The following ARSB variants were observed in gnomAD, a reference collection of about 807,000 sequenced individuals.
ARSB encodes the protein N-acetylgalactosamine-4-sulfatase.
A neutral mutation model predicts 50.9 loss-of-function variants in ARSB; 41 were observed. The ratio of observed to expected loss-of-function variants is 0.81; its 90% confidence interval spans 0.63 to 1.04. ARSB has a LOEUF of 1.04. ARSB is among the 50% of genes least tolerant of loss of function. The pLI is 0.00. For synonymous variants in ARSB, 269 were observed against 284.8 expected, an observed-to-expected ratio of 0.94 and a Z score of 0.56; for missense variants, 672 against 693.3, an observed-to-expected ratio of 0.97 and a Z score of 0.35.
chr5:78,853,259 A>G (rs1745938212), intron 5 of ARSB, among the ~76,000 whole-genome samples: 1 of 152,106 alleles, frequency 6.6e-6, no homozygotes, highest in South Asian at 2.1e-4. Context: ...TCTGTTTGTT[A>G]GTTTTCCTTC....
In ARSB at chr5:78,778,140, C is replaced by A. The variant is rs996667450; in HGVS notation, c.*2257G>T. The A allele has an allele frequency of 2.0e-5, 3 of 152,130 alleles. No individual in the cohort carries two copies. The highest frequency in any genetic ancestry group is 7.2e-5 in the African/African-American group (3 of 41,416). The allele number at this position is 152,130 out of a possible 1,614,324, so 9.4% of individuals were successfully genotyped here. A position where few individuals can be genotyped will look rare whatever the true frequency, so the allele number is the denominator to read the frequency against. On this transcript the variant is annotated 3_prime_UTR_variant, in exon 8 of 8. Coordinates refer to ENST00000264914, the MANE Select transcript of ARSB (RefSeq NM_000046.5). Reference sequence around the variant, plus strand: ...CAGATAGGTGCCCTGTAGCGATGGCCTCCAACGGCTACCTACACCCAGCCC... The same window carrying A: ...CAGATAGGTGCCCTGTAGCGATGGCATCCAACGGCTACCTACACCCAGCCC...
chr5:78,880,379 G>A (rs748588360), intron 5 of ARSB, among the ~76,000 whole-genome samples: 5 of 152,102 alleles, frequency 3.3e-5, no homozygotes, highest in Non-Finnish European at 7.4e-5. Context: ...ACTATTTTTC[G>A]ATTCAATCCC....
In ARSB at chr5:78,916,479, C is replaced by T. The variant is rs182686043; in HGVS notation, c.899-30652G>A. 1.6e-4 allele frequency among the ~76,000 whole-genome samples: 24 copies of T among 152,320 alleles called. 1 individual carries two copies. The East Asian group carries it at 4.2e-3, about 27-fold the overall frequency. On this transcript the variant is annotated intron_variant, in intron 4 of 7. Coordinates refer to ENST00000264914, the MANE Select transcript of ARSB (RefSeq NM_000046.5). ...AAAATGCACGTAGAACAAGAGGTCA[C>T]TGAGATGAGGACCCCTGGGAATCCT...
intron 5 of ARSB, among the ~76,000 whole-genome samples, chr5:78,850,321 T>C (rs1380208475): frequency 6.6e-6 from 1 of 152,234 alleles, no homozygotes; most frequent in Non-Finnish European, 1.5e-5. Context: ...GATAATCATG[T>C]GGTTTTTGTC....
intron 4 of ARSB, among the ~76,000 whole-genome samples, chr5:78,908,700 A>C (rs1561495230): frequency 6.6e-6 from 1 of 150,442 alleles, no homozygotes; most frequent in Non-Finnish European, 1.5e-5. Flanking sequence ...AGATGAAACA[A>C]CACTTCATTT....
intron 6 of ARSB, among the ~76,000 whole-genome samples, chr5:78,825,035 C>T (rs1482415211): frequency 3.3e-5 from 5 of 152,154 alleles, no homozygotes; most frequent in African/African-American, 7.2e-5. Flanking sequence ...AGTAGGCCTA[C>T]GGTCAGGAAT....
chr5:78,942,312 T>C (rs1750975185), intron 4 of ARSB, among the ~76,000 whole-genome samples: 1 of 152,242 alleles, frequency 6.6e-6, no homozygotes, highest in Non-Finnish European at 1.5e-5. Context: ...AGTTATTCCT[T>C]GCCTTCTGCT....
At chr5:78,890,834 T>C (rs1748258992) in intron 4 of ARSB, among the ~76,000 whole-genome samples, 1 of 152,212 alleles carries the variant, frequency 6.6e-6, no homozygotes, top group Non-Finnish European at 1.5e-5. Context: ...CATGCTAATT[T>C]TGCCTTTGCA....
rs556943300 is a variant in ARSB, at chr5:78,780,559, G to A, written c.1440C>T (p.Asp480=). 2.0e-5 allele frequency: 32 copies of A among 1,614,140 alleles called. No individual in the cohort carries two copies. The South Asian group carries it at 3.2e-4, about 16-fold the overall frequency. Reference sequence around the variant, plus strand: ...TGGACAGGTCATGTCTTTCTTCAGGGTCCCGATCAATATCAAAGAGCCAGA... The same window carrying A: ...TGGACAGGTCATGTCTTTCTTCAGGATCCCGATCAATATCAAAGAGCCAGA... ...KTLWLFDIDR[D]PEERHDLSRE... Residue 480 remains aspartate, a synonymous_variant, in exon 8 of 8, where the codon GAC becomes GAT. Transcript: ENST00000264914.
rs997503655 is a variant in ARSB, at chr5:78,777,600, C to T, written c.*2797G>A. The T allele has an allele frequency of 2.0e-5, 3 of 152,498 alleles. No individual in the cohort carries two copies. The highest frequency in any genetic ancestry group is 2.9e-5 in the Non-Finnish European group (2 of 68,012). 9.4% of individuals were successfully genotyped at this position (152,498 alleles called of 1,614,324 possible). On this transcript the variant is annotated 3_prime_UTR_variant, in exon 8 of 8. Coordinates refer to ENST00000264914, the MANE Select transcript of ARSB (RefSeq NM_000046.5). ...GGGCACAGTGGCTCACACCTGTAAT[C>T]CCAGTGCTTTGGGAAGCTGAAGTGG...
chr5:78,907,353 C>T (rs991936761), intron 4 of ARSB, among the ~76,000 whole-genome samples: 1 of 152,230 alleles, frequency 6.6e-6, no homozygotes, highest in Non-Finnish European at 1.5e-5. Context: ...CCCTCGCCTT[C>T]TCTCAACGTG....
At chr5:78,872,716 G>A (rs1747270780) in intron 5 of ARSB, among the ~76,000 whole-genome samples, 1 of 147,578 alleles carries the variant, frequency 6.8e-6, no homozygotes, top group Non-Finnish European at 1.5e-5. Context: ...CCTAATGCTA[G>A]ATGACGAGTT....
intron 5 of ARSB, among the ~76,000 whole-genome samples, chr5:78,869,254 C>T (rs1352589318): frequency 9.2e-6 from 1 of 109,114 alleles, no homozygotes; most frequent in Non-Finnish European, 2.0e-5. Context: ...GACAGATCAA[C>T]GAGACAGAAA....
intron 6 of ARSB, among the ~76,000 whole-genome samples, chr5:78,830,827 G>A (rs997302451): frequency 6.6e-6 from 1 of 152,178 alleles, no homozygotes; most frequent in African/African-American, 2.4e-5. Context: ...AATTTGACGA[G>A]CTGCTAAAGA....
At chr5:78,815,148 G>A (rs1185134889) in intron 6 of ARSB, among the ~76,000 whole-genome samples, 1 of 150,910 alleles carries the variant, frequency 6.6e-6, no homozygotes, top group Non-Finnish European at 1.5e-5. Context: ...GTTGACTGTA[G>A]TAAAGCATTA....
At chr5:78,832,246 G>GATA (rs1392078152) in intron 6 of ARSB, among the ~76,000 whole-genome samples, 5 of 152,172 alleles carry the variant, frequency 3.3e-5, no homozygotes, top group Non-Finnish European at 5.9e-5. Flanking sequence ...CAACAAGGGA[G>GATA]ATAAACAGGA....
intron 6 of ARSB, chr5:78,815,429 T>A (rs1743952690): frequency 1.5e-6 from 1 of 652,254 alleles, no homozygotes. Flanking sequence ...AAAGACAAAT[T>A]AGAACAAGAC....
In ARSB at chr5:78,964,835, C is replaced by T. The variant is rs10514114; in HGVS notation, c.500-229G>A. ...TCCTCATTCGCCTTTAGAATATAGG[C>T]GCTATCATGTAACACTAACAGTTTT... On this transcript the variant is annotated intron_variant, in intron 2 of 7. Transcript: ENST00000264914. 0.089 allele frequency among the ~76,000 whole-genome samples: 13,563 copies of T among 151,578 alleles called. 1,679 individuals are homozygous for T. The highest frequency in any genetic ancestry group is 0.28 in the African/African-American group (11,615 of 41,212).
chr5:78,957,433 T>C (rs1041724057), intron 3 of ARSB, among the ~76,000 whole-genome samples: 13 of 152,204 alleles, frequency 8.5e-5, no homozygotes, highest in African/African-American at 2.9e-4. Context: ...TCTTTGGAAC[T>C]CAGAAATACG....
Sources: allele counts gnomAD v4.1 joint callset (sites outside exome capture counted in the v4.1 genomes callset), GRCh38; gene constraint gnomAD v4.1.1; transcripts MANE v1.5; gene names NCBI Gene and HGNC (gene_info 2026-07-23, HGNC 2026-07-21).